Variants in NF2 observed in about 807,000 individuals in gnomAD.
NF2 encodes the protein NF2, moesin-ezrin-radixin like (MERLIN) tumor suppressor.
Under a neutral mutation model 83.7 loss-of-function variants are expected in NF2, and 8 were observed. That is an observed-to-expected ratio of 0.10 (90% CI 0.06 to 0.17). The LOEUF is 0.17. NF2 is among the 10% of genes least tolerant of loss of function. The pLI is 1.00. For missense variants in NF2, 533 were observed against 744.4 expected (o/e 0.72, Z 3.31); for synonymous variants, 266 against 269.6 (o/e 0.99, Z 0.13).
intron 1 of NF2, among the ~76,000 whole-genome samples, chr22:29,620,874 G>A (rs987471377): frequency 3.9e-5 from 6 of 152,158 alleles, no homozygotes; most frequent in Admixed American, 2.0e-4. Flanking sequence ...TTTACTGGGT[G>A]CCCACGTTGA....
At chr22:29,655,830 G>A (rs182844295) in intron 6 of NF2, among the ~76,000 whole-genome samples, 154 bp downstream of exon 6, 3 of 151,992 alleles carry the variant, frequency 2.0e-5, no homozygotes, top group Admixed American at 6.5e-5. Flanking sequence ...TGGGAGTAAC[G>A]TTGGTCTTCA....
rs1247153801 is a variant in NF2 at position 29,603,776 on chromosome 22, C to G, written c.-223C>G. The G allele has an allele frequency of 5.5e-6, 3 of 549,430 alleles. No homozygotes were observed. The highest frequency in any genetic ancestry group is 7.0e-5 in the Admixed American group (2 of 28,608). 34.0% of individuals were successfully genotyped at this position (549,430 alleles called of 1,614,324 possible). On this transcript the variant is annotated 5_prime_UTR_variant, in exon 1 of 16. Coordinates refer to ENST00000338641, the MANE Select transcript of NF2 (RefSeq NM_000268.4). ...CACCGAAGGTCCCGGCTCCTGTGCCCTCCCTGCAGCCGTCAGGGCCCGTCC... is the reference window on the plus strand; with the variant it reads ...CACCGAAGGTCCCGGCTCCTGTGCCGTCCCTGCAGCCGTCAGGGCCCGTCC...
At position 29,696,241 on chromosome 22, in the gene NF2, T is replaced by G; in HGVS notation, c.*1439T>G. On this transcript the variant is annotated 3_prime_UTR_variant, in exon 16 of 16. Transcript: ENST00000338641. ...GGCATGCACCACCACACTTGGCCAATGTTCTGTATTTTTAATAGGGACGGG... is the reference window on the plus strand; with the variant it reads ...GGCATGCACCACCACACTTGGCCAAGGTTCTGTATTTTTAATAGGGACGGG... 4.7e-6 allele frequency: 1 copy of G among 212,870 alleles called. No individual in the cohort carries two copies. 13.2% of individuals were successfully genotyped at this position (212,870 alleles called of 1,614,324 possible). A position where few individuals can be genotyped will look rare whatever the true frequency, so the allele number is the denominator to read the frequency against.
At position 29,696,115 on chromosome 22, in the gene NF2, C is replaced by G. The variant is rs981126685; in HGVS notation, c.*1313C>G. On this transcript the variant is annotated 3_prime_UTR_variant, in exon 16 of 16. Transcript: ENST00000338641. Reference sequence around the variant, plus strand: ...CCGAGATGGAGTCTCTCTCTGTCACCCAGGTGGGAGTGTGGTGGCACAATC... The same window carrying G: ...CCGAGATGGAGTCTCTCTCTGTCACGCAGGTGGGAGTGTGGTGGCACAATC... 2 of 225,978 alleles carry G rather than the reference C, an allele frequency of 8.9e-6. No homozygotes were observed. The highest frequency in any genetic ancestry group is 4.5e-5 in the African/African-American group (2 of 43,976). The allele number at this position is 225,978 out of a possible 1,614,324, so 14.0% of individuals were successfully genotyped here. A position where few individuals can be genotyped will look rare whatever the true frequency, so the allele number is the denominator to read the frequency against.
intron 1 of NF2, among the ~76,000 whole-genome samples, chr22:29,606,351 ATCCCCCAGT>A (rs1376383099): frequency 6.6e-6 from 1 of 152,192 alleles, no homozygotes; most frequent in Non-Finnish European, 1.5e-5. Flanking sequence ...CCAATTGCTC[ATCCCCCAGT>A]TCTTGCAGGC....
intron 11 of NF2, among the ~76,000 whole-genome samples, chr22:29,672,601 C>T (rs1404567739): frequency 1.3e-5 from 2 of 151,424 alleles, no homozygotes; most frequent in African/African-American, 2.4e-5. Flanking sequence ...TGTTAGCCAC[C>T]GTGCCCAGCT....
At chr22:29,609,300 A>G (rs1413948431) in intron 1 of NF2, 12 of 679,494 alleles carry the variant, frequency 1.8e-5, no homozygotes, top group Non-Finnish European at 3.4e-5. Flanking sequence ...TTAAAGGTTC[A>G]CTGGTTGAGG....
intron 13 of NF2, among the ~76,000 whole-genome samples, chr22:29,677,690 C>T (rs1470613456): frequency 1.3e-5 from 2 of 152,200 alleles, no homozygotes; most frequent in Non-Finnish European, 2.9e-5. Flanking sequence ...CCATACTTCC[C>T]GTCCGGCAGA....
In NF2 at chr22:29,695,244, G is replaced by A. The variant is rs970152108; in HGVS notation, c.*442G>A. 2.9e-6 allele frequency: 1 copy of A among 350,032 alleles called. No homozygotes were observed. Among genetic ancestry groups the A allele is most frequent in the Non-Finnish European group, 5.4e-6 (1 of 185,786 alleles). The allele number at this position is 350,032 out of a possible 1,614,324, so 21.7% of individuals were successfully genotyped here. On this transcript the variant is annotated 3_prime_UTR_variant, in exon 16 of 16. Transcript: ENST00000338641. The surrounding 1 kb of genome is among the most constrained non-coding windows in gnomAD (Gnocchi z 5.4). ...TTCCGGAACATTCATTCCCCCACCG[G>A]TGAGGACCTGGCATGCAGCGAAGCA...
intron 8 of NF2, among the ~76,000 whole-genome samples, chr22:29,663,899 G>T (rs1354423517): frequency 6.6e-6 from 1 of 152,184 alleles, no homozygotes; most frequent in East Asian, 1.9e-4. Context: ...AGGCTTTCCT[G>T]CTAGTGGTCT....
At chr22:29,674,656 T>C (rs558523201) in intron 12 of NF2, among the ~76,000 whole-genome samples, 180 bp from the exon 13 acceptor site, 2 of 152,324 alleles carry the variant, frequency 1.3e-5, no homozygotes, top group Admixed American at 1.3e-4. Flanking sequence ...TCCTCAGGAA[T>C]GTTGTCCTTG....
Position 29,694,678 on chromosome 22 carries a change from A to C in NF2, c.1738-74A>C. ...CCCAGCCACCTTTGAGGTGAGTCCAAGTGGCAGGACAGGACCCTGTGTGAC... is the reference window on the plus strand; with the variant it reads ...CCCAGCCACCTTTGAGGTGAGTCCACGTGGCAGGACAGGACCCTGTGTGAC... On this transcript the variant is annotated intron_variant, in intron 15 of 15. Coordinates refer to ENST00000338641, the MANE Select transcript of NF2 (RefSeq NM_000268.4). The surrounding 1 kb of genome is among the most constrained non-coding windows in gnomAD (Gnocchi z 4.1). 1 of 1,504,546 alleles carries C rather than the reference A, an allele frequency of 6.6e-7. No homozygotes were observed. Among genetic ancestry groups the C allele is most frequent in the South Asian group, 1.2e-5 (1 of 85,202 alleles). The allele number at this position is 1,504,546 out of a possible 1,614,324, so 93.2% of individuals were successfully genotyped here. A position where few individuals can be genotyped will look rare whatever the true frequency, so the allele number is the denominator to read the frequency against.
intron 8 of NF2, 83 bp downstream of exon 8, chr22:29,661,422 T>G (rs1202655104): frequency 6.3e-7 from 1 of 1,576,750 alleles, no homozygotes; most frequent in African/African-American, 1.3e-5. Flanking sequence ...AGCCAGGGCA[T>G]CTCCTTGTTA....
At position 29,683,033 on chromosome 22, in the gene NF2, G is replaced by A. The variant is rs746764835; in HGVS notation, c.1737+1432G>A. ...TTGCTGGTTTAGCCTCAAGCCCAAGGCAGAAGACCTATCTGCATTTGAGCC... is the reference window on the plus strand; with the variant it reads ...TTGCTGGTTTAGCCTCAAGCCCAAGACAGAAGACCTATCTGCATTTGAGCC... On this transcript the variant is annotated intron_variant, in intron 15 of 15. Coordinates refer to ENST00000338641, the MANE Select transcript of NF2 (RefSeq NM_000268.4). The A allele has an allele frequency of 1.9e-5, 30 of 1,614,058 alleles. No individual in the cohort carries two copies. In the East Asian group the frequency reaches 6.5e-4, roughly 35 times the overall value.
At chr22:29,633,507 C>T (rs2065569182) in intron 1 of NF2, among the ~76,000 whole-genome samples, 1 of 152,158 alleles carries the variant, frequency 6.6e-6, no homozygotes, top group African/African-American at 2.4e-5. Context: ...TACTTTCTGG[C>T]CTTCTTGATC....
chr22:29,658,130 A>G, intron 6 of NF2, 59 bp from the exon 7 acceptor site: 1 of 1,528,722 alleles, frequency 6.5e-7, no homozygotes, highest in Non-Finnish European at 9.1e-7. Context: ...TTTGGTGCCC[A>G]CCCGCTCTCC....
chr22:29,643,448 C>G (rs1046695392), intron 4 of NF2, among the ~76,000 whole-genome samples: 1 of 152,142 alleles, frequency 6.6e-6, no homozygotes, highest in Non-Finnish European at 1.5e-5. Context: ...ACTTCCGCAG[C>G]GTTTGTGTCC....
rs968480411 is a variant in NF2, at chr22:29,696,547, A to C, written c.*1745A>C. 4.6e-6 allele frequency: 1 copy of C among 218,422 alleles called. No homozygotes were observed. Among genetic ancestry groups the C allele is most frequent in the African/African-American group, 2.2e-5 (1 of 44,468 alleles). 13.5% of individuals were successfully genotyped at this position (218,422 alleles called of 1,614,324 possible). Reference sequence around the variant, plus strand: ...TGAGAAACTTAGCAGCTCACAGAGCACAGAGATCCTGCCTTCTTCCTACTA... The same window carrying C: ...TGAGAAACTTAGCAGCTCACAGAGCCCAGAGATCCTGCCTTCTTCCTACTA... On this transcript the variant is annotated 3_prime_UTR_variant, in exon 16 of 16. Transcript: ENST00000338641.
At chr22:29,653,489 CA>C (rs1014174615) in intron 4 of NF2, among the ~76,000 whole-genome samples, 1 of 147,706 alleles carries the variant, frequency 6.8e-6, no homozygotes, top group Non-Finnish European at 1.5e-5. Flanking sequence ...TCTTAAGATT[CA>C]AAAAAAACAA....
Sources: allele counts gnomAD v4.1 joint callset (sites outside exome capture counted in the v4.1 genomes callset), GRCh38; gene constraint gnomAD v4.1.1; non-coding constraint Gnocchi (gnomAD v3.1); transcripts MANE v1.5; gene names NCBI Gene and HGNC (gene_info 2026-07-23, HGNC 2026-07-21).